The following RPN2 variants were observed in gnomAD, a reference collection of about 807,000 sequenced individuals.
RPN2 encodes ribophorin II.
Under a neutral mutation model 71.4 loss-of-function variants are expected in RPN2, and 29 were observed. The ratio of observed to expected loss-of-function variants is 0.41; its 90% CI spans 0.30 to 0.55. The LOEUF (loss-of-function observed/expected upper bound fraction) is 0.55. RPN2 is among the 20% of genes least tolerant of loss of function. RPN2 has a pLI of 0.35. For missense variants in RPN2, 726 were observed against 774.1 expected (o/e 0.94, Z 0.74); for synonymous variants, 308 against 305.0 (o/e 1.01, Z -0.10).
intron 2 of RPN2, among the ~76,000 whole-genome samples, chr20:37,196,767 G>C (rs771995608): frequency 4.6e-5 from 7 of 152,202 alleles, no homozygotes; most frequent in Non-Finnish European, 1.0e-4. Context: ...GCAGTCTATT[G>C]ATTTGATACT....
chr20:37,210,821 T>C (rs2067644663), intron 8 of RPN2, among the ~76,000 whole-genome samples: 1 of 152,070 alleles, frequency 6.6e-6, no homozygotes, highest in African/African-American at 2.4e-5. Flanking sequence ...CATGAGCCAC[T>C]GTGCCTGGCC....
rs147571785 is a variant in RPN2 at position 37,237,138 on chromosome 20, C to T, written c.1883+429C>T. ...GGAGCTTGTCCCGGAAGCACGAGGT[C>T]TGTGTTATTTCCCACAGAAGCTGCA... On this transcript the variant is annotated intron_variant, in intron 16 of 16. Transcript: ENST00000237530. Among the ~76,000 whole-genome samples the T allele has an allele frequency of 4.9e-3, 740 of 152,166 alleles. 8 individuals carry two copies. Among genetic ancestry groups the T allele is most frequent in the African/African-American group, 0.017 (702 of 41,506 alleles).
chr20:37,240,007 C>A (rs2068511198), intron 16 of RPN2, among the ~76,000 whole-genome samples: 1 of 152,216 alleles, frequency 6.6e-6, no homozygotes, highest in African/African-American at 2.4e-5. Context: ...AATCCTCCTG[C>A]TTTGGCCCCT....
intron 5 of RPN2, among the ~76,000 whole-genome samples, chr20:37,204,329 G>GT (rs1157183874): frequency 6.6e-6 from 1 of 152,220 alleles, no homozygotes; most frequent in African/African-American, 2.4e-5. Context: ...TAGGAGAGCA[G>GT]TATGTCTCTC....
intron 4 of RPN2, among the ~76,000 whole-genome samples, chr20:37,200,856 C>T (rs1366907046): frequency 6.6e-6 from 1 of 152,122 alleles, no homozygotes; most frequent in Non-Finnish European, 1.5e-5. Flanking sequence ...CTGTGCCTTA[C>T]TTTGATGCTA....
At position 37,221,542 on chromosome 20, in the gene RPN2, T is replaced by C. The variant is rs117704410; in HGVS notation, c.1093-2336T>C. ...GCTCCATAGTAATTAATAATATGCATGTATCTTTCTTTATTTAGCTAGTCT... is the reference window on the plus strand; with the variant it reads ...GCTCCATAGTAATTAATAATATGCACGTATCTTTCTTTATTTAGCTAGTCT... On this transcript the variant is annotated intron_variant, in intron 9 of 16. Coordinates refer to ENST00000237530, the MANE Select transcript of RPN2 (RefSeq NM_002951.5). Among the ~76,000 whole-genome samples, 733 of 152,324 alleles carry C rather than the reference T, an allele frequency of 4.8e-3. 6 individuals carry two copies. Among genetic ancestry groups the C allele is most frequent in the Non-Finnish European group, 5.8e-3 (395 of 68,016 alleles).
intron 16 of RPN2, among the ~76,000 whole-genome samples, chr20:37,240,526 A>ACC (rs2068523528): frequency 6.6e-6 from 1 of 152,066 alleles, no homozygotes; most frequent in Admixed American, 6.6e-5. Context: ...GCTGCCACTG[A>ACC]AGGATGGTGT....
intron 13 of RPN2, among the ~76,000 whole-genome samples, chr20:37,231,714 T>TAAAA (rs146042631): frequency 0.037 from 5,442 of 145,354 alleles, 390 homozygotes; most frequent in African/African-American, 0.13. Flanking sequence ...CCTGTCTCTT[T>TAAAA]AAAAAAAAGA....
chr20:37,193,778 T>TGA (rs751185066), intron 2 of RPN2, among the ~76,000 whole-genome samples: 1 of 152,158 alleles, frequency 6.6e-6, no homozygotes, highest in East Asian at 1.9e-4. Flanking sequence ...TTTACCATGG[T>TGA]GAGCTTGAAA....
intron 4 of RPN2, among the ~76,000 whole-genome samples, chr20:37,201,165 G>A (rs2067380084): frequency 6.6e-6 from 1 of 151,648 alleles, no homozygotes; most frequent in Middle Eastern, 3.4e-3. Flanking sequence ...TGGGCGTGTA[G>A]GAAACGGAGT....
intron 13 of RPN2, 134 bp downstream of exon 13, chr20:37,230,193 G>C (rs2068201373): frequency 3.9e-6 from 3 of 777,922 alleles, no homozygotes; most frequent in Non-Finnish European, 6.8e-6. Flanking sequence ...GATTAGGCAG[G>C]GTAAATGGCA....
chr20:37,181,202 C>T (rs6124671), intron 1 of RPN2, among the ~76,000 whole-genome samples: 1 of 151,524 alleles, frequency 6.6e-6, no homozygotes, highest in Non-Finnish European at 1.5e-5. Flanking sequence ...GCACTCCAGC[C>T]TGGCAACAGA....
intron 2 of RPN2, among the ~76,000 whole-genome samples, chr20:37,188,141 A>T (rs2067053743): frequency 6.6e-6 from 1 of 151,978 alleles, no homozygotes; most frequent in Non-Finnish European, 1.5e-5. Context: ...AACTCTCATC[A>T]TTTCTGCTAT....
intron 6 of RPN2, among the ~76,000 whole-genome samples, chr20:37,206,397 G>A (rs1222180526): frequency 6.6e-6 from 1 of 152,180 alleles, no homozygotes; most frequent in Non-Finnish European, 1.5e-5. Context: ...TGAGAATCAG[G>A]AAAGAACAGA....
chr20:37,200,293 A>G (rs6032013), intron 4 of RPN2, among the ~76,000 whole-genome samples: 116,973 of 152,064 alleles, frequency 0.77, 45,442 homozygotes, highest in Middle Eastern at 0.89. Context: ...CCGGCTGCCC[A>G]GCTAATTTTT....
intron 16 of RPN2, among the ~76,000 whole-genome samples, chr20:37,239,950 G>A (rs565967788): frequency 3.3e-5 from 5 of 152,116 alleles, no homozygotes; most frequent in African/African-American, 1.2e-4. Context: ...ATAGAGATGG[G>A]GTCTCATTAT....
intron 13 of RPN2, among the ~76,000 whole-genome samples, chr20:37,231,637 A>G (rs908217040): frequency 2.0e-5 from 3 of 151,664 alleles, no homozygotes. Flanking sequence ...TTTTGAGCCC[A>G]GGTGTATGAG....
chr20:37,224,875 G>C (rs78485321), intron 10 of RPN2, among the ~76,000 whole-genome samples: 7,045 of 152,246 alleles, frequency 0.046, 459 homozygotes, highest in African/African-American at 0.14. Context: ...GTGTCTCTGG[G>C]TTGGCTATTT....
At chr20:37,231,333 G>A (rs3790151) in intron 13 of RPN2, among the ~76,000 whole-genome samples, 6,881 of 151,820 alleles carry the variant, frequency 0.045, 436 homozygotes, top group African/African-American at 0.14. Context: ...GGTGAGCTTC[G>A]TAAAGAGAAT....
Sources: allele counts gnomAD v4.1 joint callset (sites outside exome capture counted in the v4.1 genomes callset), GRCh38; gene constraint gnomAD v4.1.1; transcripts MANE v1.5; gene names NCBI Gene and HGNC (gene_info 2026-07-23, HGNC 2026-07-21).